FOSL2: variants seen among roughly 807,000 people sequenced by gnomAD.
FOSL2 encodes FOS like 2, AP-1 transcription factor subunit, also known as fos-related antigen 2.
In FOSL2, 3 loss-of-function variants were observed where a neutral mutation model predicts 27.7. The ratio of observed to expected loss-of-function variants is 0.11; its 90% confidence interval spans 0.05 to 0.28. The LOEUF (loss-of-function observed/expected upper bound fraction) is 0.28, where lower values mean the gene tolerates loss of function less well. Among genes scored for constraint, FOSL2 ranks in the 10% least tolerant of loss-of-function variants. The pLI is 1.00. For synonymous variants in FOSL2, 179 were observed against 190.1 expected (o/e 0.94, Z 0.48); for missense variants, 333 against 445.1 (o/e 0.75, Z 2.27).
chr2:28,404,469 C>G lies in FOSL2; in HGVS notation c.354+111C>G. 7.4e-7 allele frequency: 1 copy of G among 1,359,482 alleles called. No homozygotes were observed. The highest frequency in any genetic ancestry group is 1.4e-5 in the South Asian group (1 of 71,720). 84.2% of individuals were successfully genotyped at this position (1,359,482 alleles called of 1,614,324 possible). ...GTTAATGTTCTGAGAGCAGGGGAGA[C>G]AAGGGAGCTAGGGGTCGAAGAGCAC... is the stretch of plus-strand genomic sequence containing the variant. On this transcript the variant is annotated intron_variant, in intron 2 of 3. Coordinates refer to ENST00000264716, the MANE Select transcript of FOSL2 (RefSeq NM_005253.4). The surrounding 1 kb of genome is among the most constrained non-coding windows in gnomAD (Gnocchi z 4.7).
chr2:28,394,442 T>C, intron 1 of FOSL2: 1 of 152,826 alleles, frequency 6.5e-6, no homozygotes, highest in Non-Finnish European at 1.5e-5. Context: ...GTGTGCCCCC[T>C]GCCTGCCTGC....
At chr2:28,403,201 A>T (rs1664009529) in intron 1 of FOSL2, among the ~76,000 whole-genome samples, 1 of 152,196 alleles carries the variant, frequency 6.6e-6, no homozygotes, top group African/African-American at 2.4e-5. Flanking sequence ...GGTCAGGACC[A>T]GCTGCTAAGG....
intron 1 of FOSL2, chr2:28,395,497 T>C: frequency 6.6e-6 from 1 of 152,342 alleles, no homozygotes; most frequent in Non-Finnish European, 1.5e-5. Flanking sequence ...TCTGTGTCAC[T>C]AGGGCTTTGA....
Position 28,412,307 on chromosome 2 carries a change from C to T in FOSL2, c.840C>T (p.Leu280=), listed in dbSNP as rs200360785. ...TPAVTPGTSN[L]VFTYPSVLEQ... ...CTGTCACTCCGGGCACCTCGAACCT[C>T]GTCTTCACCTATCCTAGCGTCCTGG... The change falls in exon 4 of 4, where the codon CTC becomes CTT. Residue 280 remains leucine (L), a synonymous_variant. Coordinates refer to ENST00000264716, the MANE Select transcript of FOSL2 (RefSeq NM_005253.4). The surrounding 1 kb of genome is among the most constrained non-coding windows in gnomAD (Gnocchi z 7.1). 19 of 1,614,078 alleles carry T rather than the reference C, an allele frequency of 1.2e-5. No homozygotes were observed. Among genetic ancestry groups the T allele is most frequent in the Non-Finnish European group, 1.6e-5 (19 of 1,180,010 alleles).
At chr2:28,403,569 A>C (rs1395930873) in intron 1 of FOSL2, among the ~76,000 whole-genome samples, 1 of 152,192 alleles carries the variant, frequency 6.6e-6, no homozygotes, top group Non-Finnish European at 1.5e-5. Context: ...TGATGGAGTC[A>C]TAGCTCTGTC....
At chr2:28,398,472 G>C (rs1267519885) in intron 1 of FOSL2, among the ~76,000 whole-genome samples, 1 of 152,238 alleles carries the variant, frequency 6.6e-6, no homozygotes, top group Non-Finnish European at 1.5e-5. Context: ...GGAGCTGTGG[G>C]GGCTCCAAAG....
At position 28,393,124 on chromosome 2, in the gene FOSL2, G is replaced by A; in HGVS notation, c.-597G>A. ...CTGTCCCCCTGGCGCGCTCGGGGCC[G>A]CGGGACGGGCGCACGCCGCCTTCTC... On this transcript the variant is annotated 5_prime_UTR_variant, in exon 1 of 4. Transcript: ENST00000264716. The surrounding 1 kb of genome is among the most constrained non-coding windows in gnomAD (Gnocchi z 4.6). 2 of 352,196 alleles carry A rather than the reference G, an allele frequency of 5.7e-6. No individual in the cohort carries two copies. The highest frequency in any genetic ancestry group is 1.0e-5 in the Non-Finnish European group (2 of 196,360). 21.8% of individuals were successfully genotyped at this position (352,196 alleles called of 1,614,324 possible).
At position 28,393,038 on chromosome 2, in the gene FOSL2, C is replaced by G. The variant is rs1663708248; in HGVS notation, c.-683C>G. 3.7e-6 allele frequency: 2 copies of G among 536,678 alleles called. No individual in the cohort carries two copies. Among genetic ancestry groups the G allele is most frequent in the Admixed American group, 6.2e-5 (2 of 32,152 alleles). 33.2% of individuals were successfully genotyped at this position (536,678 alleles called of 1,614,324 possible). ...GGGGAAGGGGTGCGGGTCTGGGCGC[C>G]GGAGCGGGGAGCGGGGCCGCGTCCC... is the stretch of plus-strand genomic sequence containing the variant. On this transcript the variant is annotated 5_prime_UTR_variant, in exon 1 of 4. Transcript: ENST00000264716. This position sits in a 1 kb window ranked among gnomAD's most constrained non-coding sequence, Gnocchi z 4.6.
At chr2:28,407,363 C>T (rs79181222) in intron 2 of FOSL2, among the ~76,000 whole-genome samples, 5 of 152,348 alleles carry the variant, frequency 3.3e-5, no homozygotes, top group South Asian at 2.1e-4. Context: ...TGACCTCAGC[C>T]GGGCTGTGGA....
At position 28,393,651 on chromosome 2, in the gene FOSL2, C is replaced by G; in HGVS notation, c.-70C>G. 8.4e-7 allele frequency: 1 copy of G among 1,191,068 alleles called. No individual in the cohort carries two copies. Among genetic ancestry groups the G allele is most frequent in the South Asian group, 1.3e-5 (1 of 75,182 alleles). The allele number at this position is 1,191,068 out of a possible 1,614,324, so 73.8% of individuals were successfully genotyped here. A position where few individuals can be genotyped will look rare whatever the true frequency, so the allele number is the denominator to read the frequency against. On this transcript the variant is annotated 5_prime_UTR_variant, in exon 1 of 4. Coordinates refer to ENST00000264716, the MANE Select transcript of FOSL2 (RefSeq NM_005253.4). The surrounding 1 kb of genome is among the most constrained non-coding windows in gnomAD (Gnocchi z 4.6). ...GGCGGACGAACGAGCGCGCAGCAGCCGGTGCGCGGCCGCGGCGAGGGCGGG... is the reference window on the plus strand; with the variant it reads ...GGCGGACGAACGAGCGCGCAGCAGCGGGTGCGCGGCCGCGGCGAGGGCGGG...
At chr2:28,402,035 C>G (rs1046559541) in intron 1 of FOSL2, among the ~76,000 whole-genome samples, 1 of 152,298 alleles carries the variant, frequency 6.6e-6, no homozygotes, top group African/African-American at 2.4e-5. Context: ...ATGCATTGTA[C>G]TGGGTAACTT....
rs1016139009 is a variant in FOSL2, at chr2:28,416,229, C to G, written c.*3781C>G. ...ACTATGAATCTGGCATCTTCTTATGCTTCTAGTGTTTTGGCCATACATCAA... is the reference window on the plus strand; with the variant it reads ...ACTATGAATCTGGCATCTTCTTATGGTTCTAGTGTTTTGGCCATACATCAA... On this transcript the variant is annotated 3_prime_UTR_variant, in exon 4 of 4. Transcript: ENST00000264716. 6.6e-6 allele frequency: 1 copy of G among 152,032 alleles called. No homozygotes were observed. Among genetic ancestry groups the G allele is most frequent in the Admixed American group, 6.6e-5 (1 of 15,242 alleles). The allele number at this position is 152,032 out of a possible 1,614,324, so 9.4% of individuals were successfully genotyped here.
intron 1 of FOSL2, chr2:28,394,560 G>C (rs1291491185): frequency 6.6e-6 from 1 of 152,576 alleles, no homozygotes; most frequent in Admixed American, 6.5e-5. Context: ...GGAGCAAGGA[G>C]ACCGGCAGAG....
rs1050598212 is a variant in FOSL2 at position 28,392,946 on chromosome 2, G to T, written c.-775G>T. 5.7e-6 allele frequency: 2 copies of T among 350,108 alleles called. No homozygotes were observed. Among genetic ancestry groups the T allele is most frequent in the Admixed American group, 6.4e-5 (2 of 31,288 alleles). 21.7% of individuals were successfully genotyped at this position (350,108 alleles called of 1,614,324 possible). A position where few individuals can be genotyped will look rare whatever the true frequency, so the allele number is the denominator to read the frequency against. The stretch of plus-strand genomic sequence containing the variant: ...GGCGCTCGGCGGGGACAGAAAGAGG[G>T]AGAGAGAGAGAGAGAGAGAGGGAGA... On this transcript the variant is annotated 5_prime_UTR_variant, in exon 1 of 4. Transcript: ENST00000264716.
chr2:28,399,461 C>T (rs1663926751), intron 1 of FOSL2, among the ~76,000 whole-genome samples: 1 of 152,108 alleles, frequency 6.6e-6, no homozygotes, highest in Admixed American at 6.5e-5. Flanking sequence ...GGTTTGGTGG[C>T]CCTAGAGGGT....
In FOSL2 at chr2:28,414,468, T is replaced by C. The variant is rs1479370488; in HGVS notation, c.*2020T>C. On this transcript the variant is annotated 3_prime_UTR_variant, in exon 4 of 4. Coordinates refer to ENST00000264716, the MANE Select transcript of FOSL2 (RefSeq NM_005253.4). ...TCTGGGAGGGACCCTTCTAAGAAGA[T>C]TGGGCAGTTGGGTTTCTGGCTTGAG... The C allele has an allele frequency of 6.6e-6, 1 of 152,136 alleles. No individual in the cohort carries two copies. Among genetic ancestry groups the C allele is most frequent in the East Asian group, 1.9e-4 (1 of 5,182 alleles). The allele number at this position is 152,136 out of a possible 1,614,324, so 9.4% of individuals were successfully genotyped here.
At chr2:28,399,229 C>A (rs567337570) in intron 1 of FOSL2, among the ~76,000 whole-genome samples, 25 of 152,214 alleles carry the variant, frequency 1.6e-4, no homozygotes, top group Non-Finnish European at 3.2e-4. Context: ...CCAAGAACCC[C>A]AACCCTGACT....
rs146618123 is a variant in FOSL2, at chr2:28,402,617, G to A, written c.103-1490G>A. On this transcript the variant is annotated intron_variant, in intron 1 of 3. Transcript: ENST00000264716. ...TGCTAATGATAGTGGGGTTCCATTC[G>A]GGGCCAGACAGACCTGTGGTACCTT... is the stretch of plus-strand genomic sequence containing the variant. 7.8e-3 allele frequency among the ~76,000 whole-genome samples: 1,195 copies of A among 152,288 alleles called. 6 individuals carry two copies. The highest frequency in any genetic ancestry group is 0.011 in the Non-Finnish European group (768 of 68,006).
rs1414963366 is a variant in FOSL2 at position 28,404,229 on chromosome 2, A to G, written c.225A>G (p.Pro75=). 5.0e-6 allele frequency: 8 copies of G among 1,613,928 alleles called. No individual in the cohort carries two copies. Among genetic ancestry groups the G allele is most frequent in the Middle Eastern group, 1.6e-4 (1 of 6,084 alleles). ...CAGTGATCACCTCCATGTCCAACCCATACCCTCGCTCGCACCCCTACAGCC... is the reference window on the plus strand; with the variant it reads ...CAGTGATCACCTCCATGTCCAACCCGTACCCTCGCTCGCACCCCTACAGCC... The part of the protein sequence containing the change: ...QPTVITSMSN[P]YPRSHPYSPL... Residue 75 remains proline, a synonymous_variant, in exon 2 of 4, where the codon CCA becomes CCG. Coordinates refer to ENST00000264716, the MANE Select transcript of FOSL2 (RefSeq NM_005253.4). The surrounding 1 kb of genome is among the most constrained non-coding windows in gnomAD (Gnocchi z 4.7).
Sources: gnomAD v4.1 joint callset for allele counts (sites outside exome capture counted in the v4.1 genomes callset) on GRCh38, gnomAD v4.1.1 for gene constraint, Gnocchi (gnomAD v3.1) non-coding constraint, MANE v1.5 for transcripts, NCBI Gene and HGNC (gene_info 2026-07-23, HGNC 2026-07-21) for gene names.